CEP63: variants seen among roughly 807,000 people sequenced by gnomAD.
The protein encoded by CEP63 is centrosomal protein of 63 kDa.
Under a neutral mutation model 89.1 loss-of-function variants are expected in CEP63, and 84 were observed. That is an observed-to-expected ratio of 0.94 (90% CI 0.79 to 1.13). The LOEUF (loss-of-function observed/expected upper bound fraction) is 1.13, where lower values mean the gene tolerates loss of function less well. Among genes scored for constraint, CEP63 ranks in the 50% most tolerant of loss-of-function variants. The pLI is 0.00. For synonymous variants in CEP63, 267 were observed against 272.5 expected (o/e 0.98, Z 0.20); for missense variants, 838 against 813.3 (o/e 1.03, Z -0.37).
the CEP63 span, among the ~76,000 whole-genome samples, chr3:134,601,462 C>T: frequency 6.6e-6 from 1 of 152,332 alleles, no homozygotes; most frequent in African/African-American, 2.4e-5. Flanking sequence ...GAGTGACATG[C>T]GTCATCGAAG....
chr3:134,566,555 CAGTTGAAT>C (rs1957766787), downstream of CEP63, among the ~76,000 whole-genome samples: 1 of 151,998 alleles, frequency 6.6e-6, no homozygotes, highest in Admixed American at 6.6e-5. Context: ...TTTTAAAGTG[CAGTTGAAT>C]AGTCATTCAA....
At chr3:134,619,069 T>C in the CEP63 span, 1 of 1,205,588 alleles carries the variant, frequency 8.3e-7, no homozygotes, top group African/African-American at 1.5e-5. Context: ...GCCTGGCATG[T>C]GGGCAAAGGC....
At chr3:134,536,775 G>T in intron 5 of CEP63, 3 of 299,808 alleles carry the variant, frequency 1.0e-5, no homozygotes, top group South Asian at 9.4e-5. Context: ...TTTGGATAGC[G>T]AGGGATATCT....
At chr3:134,747,817 A>T in the CEP63 span, among the ~76,000 whole-genome samples, 1,047 of 151,928 alleles carry the variant, frequency 6.9e-3, 8 homozygotes, top group Non-Finnish European at 0.011. Context: ...ACGGAGTCTC[A>T]CTCTGTTTCC....
At chr3:134,655,267 C>T in the CEP63 span, among the ~76,000 whole-genome samples, 1 of 152,216 alleles carries the variant, frequency 6.6e-6, no homozygotes, top group African/African-American at 2.4e-5. Context: ...CCATCTCTGA[C>T]CTCCGTGTTG....
the CEP63 span, among the ~76,000 whole-genome samples, chr3:134,728,221 G>A: frequency 2.1e-4 from 32 of 152,252 alleles, no homozygotes; most frequent in South Asian, 4.4e-3. Flanking sequence ...TTCAGTGAGC[G>A]TCAGTGCCCA....
rs1260000767 is a variant in CEP63, at chr3:134,494,959, A to AAGGGAGTTTGTGTATCCGTCTGCT, written c.-25-334_-25-311dup. 7.2e-5 allele frequency among the ~76,000 whole-genome samples: 11 copies of AAGGGAGTTTGTGTATCCGTCTGCT among 152,144 alleles called. No individual in the cohort carries two copies. The South Asian group carries it at 1.0e-3, about 14-fold the overall frequency. On this transcript the variant is annotated intron_variant, in intron 1 of 14. Coordinates refer to ENST00000675561, the MANE Select transcript of CEP63 (RefSeq NM_001353108.3). ...GAACCCATTTCTTTCTCATTTTGTT[A>AAGGGAGTTTGTGTATCCGTCTGCT]AGGGAGTTTGTGTATCCGTCTGCTA...
the CEP63 span, chr3:134,629,431 C>T: frequency 1.8e-6 from 1 of 558,350 alleles, no homozygotes; most frequent in East Asian, 2.8e-5. Flanking sequence ...GATGCAAAAT[C>T]AGCGGTAGCT....
the CEP63 span, among the ~76,000 whole-genome samples, chr3:134,644,301 C>T: frequency 6.6e-6 from 1 of 152,228 alleles, no homozygotes; most frequent in Admixed American, 6.5e-5. Context: ...GAGTTGTCCT[C>T]AGAGCCTAGT....
the CEP63 span, among the ~76,000 whole-genome samples, chr3:134,759,249 T>A: frequency 3.3e-5 from 5 of 152,202 alleles, no homozygotes; most frequent in Non-Finnish European, 1.5e-5. Flanking sequence ...ACTAATACAG[T>A]CTCTGACCCT....
At chr3:134,515,197 T>A (rs1046897135) in intron 3 of CEP63, among the ~76,000 whole-genome samples, 1 of 152,064 alleles carries the variant, frequency 6.6e-6, no homozygotes. Flanking sequence ...GTAGAGAATA[T>A]CTTCCATGCT....
chr3:134,669,177 C>A, the CEP63 span, among the ~76,000 whole-genome samples: 1 of 152,036 alleles, frequency 6.6e-6, no homozygotes, highest in Non-Finnish European at 1.5e-5. Flanking sequence ...AGGCATGTGC[C>A]CCTACACGCG....
the CEP63 span, among the ~76,000 whole-genome samples, chr3:134,681,161 A>T: frequency 6.6e-6 from 1 of 152,132 alleles, no homozygotes; most frequent in African/African-American, 2.4e-5. Context: ...AGGAAAGCAG[A>T]CACCATGAAA....
chr3:134,485,990 C>CGGGGGGG, upstream of CEP63: 1 of 837,710 alleles, frequency 1.2e-6, no homozygotes, highest in Non-Finnish European at 1.3e-6. Flanking sequence ...GCTCCTGCCA[C>CGGGGGGG]GCCCCCCCCC....
chr3:134,594,347 A>G, the CEP63 span, among the ~76,000 whole-genome samples: 29 of 152,210 alleles, frequency 1.9e-4, no homozygotes, highest in Middle Eastern at 0.01. Context: ...TGCCCCTGCC[A>G]CCATAAAGGG....
the CEP63 span, among the ~76,000 whole-genome samples, chr3:134,760,098 G>A: frequency 2.2e-5 from 3 of 136,978 alleles, no homozygotes; most frequent in Non-Finnish European, 4.6e-5. Flanking sequence ...TCGCTCTGTC[G>A]CCCAGGCTGG....
chr3:134,768,747 C>G, the CEP63 span, among the ~76,000 whole-genome samples: 1,998 of 152,282 alleles, frequency 0.013, 47 homozygotes, highest in African/African-American at 0.044. Context: ...CAATGAAACA[C>G]TAATCTAGAC....
chr3:134,619,334 C>T, the CEP63 span: 2 of 1,181,450 alleles, frequency 1.7e-6, no homozygotes, highest in East Asian at 2.3e-5. Flanking sequence ...CCCCAACCCC[C>T]AGCTGTGCTC....
At chr3:134,754,902 G>A in the CEP63 span, among the ~76,000 whole-genome samples, 1 of 152,118 alleles carries the variant, frequency 6.6e-6, no homozygotes, top group African/African-American at 2.4e-5. Flanking sequence ...AGAGGGCTAG[G>A]AGGGACATTT....
Sources: gnomAD v4.1 joint callset for allele counts (sites outside exome capture counted in the v4.1 genomes callset) on GRCh38, gnomAD v4.1.1 for gene constraint, MANE v1.5 for transcripts, NCBI Gene and HGNC (gene_info 2026-07-23, HGNC 2026-07-21) for gene names.